Variants in WWC1 observed in about 807,000 individuals in gnomAD.
WWC1 encodes WW and C2 domain containing 1, also known as protein KIBRA.
In WWC1, 55 loss-of-function variants were observed where a neutral mutation model predicts 138.4. The observed-to-expected ratio is 0.40, with a 90% CI of 0.32 to 0.50. WWC1 has a LOEUF of 0.50. Among genes scored for constraint, WWC1 ranks in the 20% least tolerant of loss-of-function variants. The probability of loss-of-function intolerance (pLI) is 0.72; values close to 1 mark genes in which losing one functional copy is unlikely to be tolerated. For missense variants in WWC1, 1,226 were observed against 1,420.4 expected, an observed-to-expected ratio of 0.86 and a Z score of 2.20; for synonymous variants, 524 against 564.9, an observed-to-expected ratio of 0.93 and a Z score of 1.03.
At chr5:168,409,834 G>A in intron 7 of WWC1, 88 bp from the exon 8 acceptor site, 2 of 1,359,100 alleles carry the variant, frequency 1.5e-6, no homozygotes, top group Admixed American at 1.7e-5. Flanking sequence ...GCCCACGCAA[G>A]CTGTCAAGTC....
intron 16 of WWC1, among the ~76,000 whole-genome samples, chr5:168,443,747 A>C (rs2152873723): frequency 6.6e-6 from 1 of 152,306 alleles, no homozygotes; most frequent in African/African-American, 2.4e-5. Context: ...TTACAAGAAA[A>C]TGTCAGGAAT....
chr5:168,405,508 T>C (rs918599737), intron 5 of WWC1, among the ~76,000 whole-genome samples: 2 of 152,112 alleles, frequency 1.3e-5, no homozygotes, highest in African/African-American at 2.4e-5. Context: ...AACTATAAAT[T>C]ATCACACAAT....
At chr5:168,377,549 T>C (rs989894808) in intron 2 of WWC1, among the ~76,000 whole-genome samples, 2 of 152,102 alleles carry the variant, frequency 1.3e-5, no homozygotes, top group Admixed American at 1.3e-4. Context: ...AGGTCTAATA[T>C]CCAGAATCTA....
At chr5:168,425,070 A>G (rs756927369) in intron 11 of WWC1, among the ~76,000 whole-genome samples, 2 of 152,210 alleles carry the variant, frequency 1.3e-5, no homozygotes, top group Non-Finnish European at 2.9e-5. Context: ...AGTTATTTCT[A>G]TTCTGTCCAT....
intron 13 of WWC1, among the ~76,000 whole-genome samples, chr5:168,429,918 AGT>A (rs1781811930): frequency 6.6e-6 from 1 of 152,128 alleles, no homozygotes. Flanking sequence ...TGGATGACAG[AGT>A]GAGACCCTGT....
intron 3 of WWC1, among the ~76,000 whole-genome samples, chr5:168,389,308 G>T (rs75194656): frequency 1.4e-3 from 211 of 151,972 alleles, no homozygotes; most frequent in Middle Eastern, 3.4e-3. Flanking sequence ...TTAGCTGGGC[G>T]TGGTGGCGCA....
At chr5:168,443,626 C>T (rs1754983891) in intron 16 of WWC1, among the ~76,000 whole-genome samples, 2 of 152,186 alleles carry the variant, frequency 1.3e-5, no homozygotes, top group South Asian at 2.1e-4. Flanking sequence ...TAATAATTCC[C>T]ACCTGTCAGG....
In WWC1 at chr5:168,454,014, G is replaced by A. The variant is rs1561789392; in HGVS notation, c.2572G>A (p.Glu858Lys). The A allele has an allele frequency of 6.3e-7, 1 of 1,591,522 alleles. No individual in the cohort carries two copies. The highest frequency in any genetic ancestry group is 1.7e-5 in the Admixed American group (1 of 57,694). ...GAATGAGGCAGTAGCCGAGGAAGAG[G>A]AGGAGGAGGTGGAGGAGGAGGAGGG... Reference protein sequence around the residue: ...SENEAVAEEEEEEVEEEEGEE... With the variant: ...SENEAVAEEEKEEVEEEEGEE... The change falls in exon 18 of 23, where the codon GAG becomes AAG. Residue 858 changes from glutamate (E) to lysine (K), a missense_variant. Glu to Lys is a moderately conservative substitution (Grantham distance 56). Transcript: ENST00000265293.
chr5:168,432,917 C>T (rs78061640), intron 15 of WWC1, among the ~76,000 whole-genome samples: 2,888 of 152,314 alleles, frequency 0.019, 89 homozygotes, highest in African/African-American at 0.066. Context: ...TTGGAGGGCT[C>T]GCCCCTTTCT....
At chr5:168,436,481 C>G (rs1032003477) in intron 15 of WWC1, among the ~76,000 whole-genome samples, 23 of 152,164 alleles carry the variant, frequency 1.5e-4, no homozygotes, top group Non-Finnish European at 1.2e-4. Flanking sequence ...CAGCTGCAAA[C>G]CCATCCCAAG....
chr5:168,297,184 G>C (rs1028858835), intron 1 of WWC1, among the ~76,000 whole-genome samples: 4 of 152,216 alleles, frequency 2.6e-5, no homozygotes, highest in Admixed American at 2.0e-4. Flanking sequence ...CTGACATGCA[G>C]GGGACACTGA....
At chr5:168,317,247 G>T (rs1171513318) in intron 1 of WWC1, among the ~76,000 whole-genome samples, 1 of 152,166 alleles carries the variant, frequency 6.6e-6, no homozygotes, top group Non-Finnish European at 1.5e-5. Context: ...AAGGTATTTG[G>T]CGTGTTGATG....
intron 19 of WWC1, among the ~76,000 whole-genome samples, chr5:168,457,650 G>A (rs1328860925): frequency 6.6e-6 from 1 of 152,234 alleles, no homozygotes; most frequent in Non-Finnish European, 1.5e-5. Context: ...GAGCAAGGAA[G>A]GCCAGACCAC....
chr5:168,421,170 T>C (rs987640633), intron 9 of WWC1, among the ~76,000 whole-genome samples: 1 of 152,186 alleles, frequency 6.6e-6, no homozygotes, highest in African/African-American at 2.4e-5. Flanking sequence ...CGCCTCCCCT[T>C]TGAGTCCACA....
At chr5:168,455,777 A>T (rs2152886869) in intron 19 of WWC1, among the ~76,000 whole-genome samples, 1 of 152,088 alleles carries the variant, frequency 6.6e-6, no homozygotes, top group Non-Finnish European at 1.5e-5. Flanking sequence ...CCTTGTTCAC[A>T]CTCTGCCCTG....
intron 16 of WWC1, 133 bp downstream of exon 16, chr5:168,441,967 A>C (rs1754815708): frequency 1.5e-6 from 2 of 1,321,798 alleles, no homozygotes; most frequent in Non-Finnish European, 2.0e-6. Context: ...TAGGAGAAGA[A>C]GACAGGGAAG....
chr5:168,366,922 C>T (rs146575792), intron 1 of WWC1, among the ~76,000 whole-genome samples: 3 of 150,706 alleles, frequency 2.0e-5, no homozygotes, highest in Admixed American at 1.3e-4. Context: ...CTCAGCCTCC[C>T]GAGTAGCTGG....
chr5:168,449,180 G>A (rs1272998371), intron 17 of WWC1, among the ~76,000 whole-genome samples: 2 of 152,052 alleles, frequency 1.3e-5, no homozygotes, highest in Non-Finnish European at 2.9e-5. Context: ...CACTCCAGTA[G>A]GTGAAAAGAT....
intron 1 of WWC1, among the ~76,000 whole-genome samples, chr5:168,354,154 G>GA (rs2152792666): frequency 6.6e-6 from 1 of 151,882 alleles, no homozygotes; most frequent in East Asian, 1.9e-4. Flanking sequence ...GGATTCAAGC[G>GA]ATTCTCCTGC....
Sources: allele counts gnomAD v4.1 joint callset (sites outside exome capture counted in the v4.1 genomes callset), GRCh38; gene constraint gnomAD v4.1.1; transcripts MANE v1.5; gene names NCBI Gene and HGNC (gene_info 2026-07-23, HGNC 2026-07-21).